CSNK2A2IP: variants seen among roughly 807,000 people sequenced by gnomAD.
CSNK2A2IP encodes casein kinase II subunit alpha'-interacting protein.
At chr3:88,442,143 GAC>G in the CSNK2A2IP span, among the ~76,000 whole-genome samples, 1 of 152,012 alleles carries the variant, frequency 6.6e-6, no homozygotes, top group East Asian at 1.9e-4. Context: ...CAATATATAA[GAC>G]ACACATGCAC....
At chr3:88,418,678 A>G in the CSNK2A2IP span, among the ~76,000 whole-genome samples, 1 of 152,138 alleles carries the variant, frequency 6.6e-6, no homozygotes, top group Admixed American at 6.6e-5. Flanking sequence ...TTTGGTTGAG[A>G]GGGTACATGT....
At chr3:88,340,440 T>C in the CSNK2A2IP span, among the ~76,000 whole-genome samples, 1 of 152,008 alleles carries the variant, frequency 6.6e-6, no homozygotes, top group Admixed American at 6.6e-5. Context: ...TTTATGCTAA[T>C]TCACTGGTAA....
chr3:88,430,355 T>G, the CSNK2A2IP span, among the ~76,000 whole-genome samples: 1 of 152,094 alleles, frequency 6.6e-6, no homozygotes, highest in Non-Finnish European at 1.5e-5. Flanking sequence ...AACAGCAGCC[T>G]TTGCTGCTGC....
the CSNK2A2IP span, among the ~76,000 whole-genome samples, chr3:88,370,938 G>A: frequency 2.6e-5 from 4 of 151,664 alleles, no homozygotes; most frequent in African/African-American, 9.7e-5. Flanking sequence ...AAAAGGCCAG[G>A]TGAGAACATA....
chr3:88,353,141 G>A, the CSNK2A2IP span, among the ~76,000 whole-genome samples: 43 of 152,094 alleles, frequency 2.8e-4, no homozygotes, highest in Admixed American at 1.6e-3. Context: ...TTACTCAGAT[G>A]ATTTAGTTTC....
the CSNK2A2IP span, among the ~76,000 whole-genome samples, chr3:88,409,787 G>C: frequency 6.6e-6 from 1 of 151,900 alleles, no homozygotes; most frequent in African/African-American, 2.4e-5. Flanking sequence ...AGTAAAGTCA[G>C]TGATATTGTC....
the CSNK2A2IP span, among the ~76,000 whole-genome samples, chr3:88,420,648 G>A: frequency 2.0e-5 from 3 of 152,126 alleles, no homozygotes; most frequent in South Asian, 6.2e-4. Context: ...TAGAAGGTGA[G>A]TAAAATGTAA....
the CSNK2A2IP span, among the ~76,000 whole-genome samples, chr3:88,454,646 G>T: frequency 6.6e-6 from 1 of 151,662 alleles, no homozygotes; most frequent in Non-Finnish European, 1.5e-5. Flanking sequence ...CTTTTTTCCA[G>T]TTTTATTGAT....
chr3:88,432,669 A>T, the CSNK2A2IP span, among the ~76,000 whole-genome samples: 3 of 151,438 alleles, frequency 2.0e-5, no homozygotes, highest in Admixed American at 2.0e-4. Flanking sequence ...TTTTTTTCTA[A>T]ATACATACAA....
At chr3:88,416,122 T>C in the CSNK2A2IP span, among the ~76,000 whole-genome samples, 400 of 151,432 alleles carry the variant, frequency 2.6e-3, no homozygotes, top group Non-Finnish European at 4.3e-3. Flanking sequence ...AATAGAAAAA[T>C]TAGCCTGGTG....
At chr3:88,339,379 C>A in the CSNK2A2IP span, among the ~76,000 whole-genome samples, 2 of 152,000 alleles carry the variant, frequency 1.3e-5, no homozygotes, top group African/African-American at 2.4e-5. Flanking sequence ...TGACTTCATT[C>A]CTTTTTATGG....
chr3:88,375,693 G>A, the CSNK2A2IP span, among the ~76,000 whole-genome samples: 2 of 151,748 alleles, frequency 1.3e-5, no homozygotes. Context: ...TATTTTAGAA[G>A]CTTACATGAA....
At chr3:88,467,046 T>C in the CSNK2A2IP span, 1 of 1,032,812 alleles carries the variant, frequency 9.7e-7, no homozygotes, top group Non-Finnish European at 1.2e-6. Flanking sequence ...TCCCCACATC[T>C]GAACGGGATA....
At chr3:88,369,719 G>C in the CSNK2A2IP span, among the ~76,000 whole-genome samples, 3 of 151,944 alleles carry the variant, frequency 2.0e-5, no homozygotes, top group Non-Finnish European at 4.4e-5. Flanking sequence ...TGCTTCTGGT[G>C]AGATACTGGA....
chr3:88,434,819 T>C, the CSNK2A2IP span, among the ~76,000 whole-genome samples: 1 of 152,166 alleles, frequency 6.6e-6, no homozygotes, highest in Non-Finnish European at 1.5e-5. Context: ...TGATCATCCA[T>C]ACTAGCTCTT....
chr3:88,398,557 T>C, the CSNK2A2IP span, among the ~76,000 whole-genome samples: 1 of 152,288 alleles, frequency 6.6e-6, no homozygotes, highest in Non-Finnish European at 1.5e-5. Flanking sequence ...TACCAAAGTA[T>C]ATGTTCCATC....
At chr3:88,457,304 G>A in the CSNK2A2IP span, among the ~76,000 whole-genome samples, 1 of 151,742 alleles carries the variant, frequency 6.6e-6, no homozygotes, top group Non-Finnish European at 1.5e-5. Flanking sequence ...TGGGGGAAGT[G>A]TATTTTACCT....
At chr3:88,344,465 A>T in the CSNK2A2IP span, among the ~76,000 whole-genome samples, 1 of 152,000 alleles carries the variant, frequency 6.6e-6, no homozygotes, top group Non-Finnish European at 1.5e-5. Context: ...AAATAATAGC[A>T]AGAGCTATTG....
chr3:88,461,635 A>G, the CSNK2A2IP span, among the ~76,000 whole-genome samples: 1 of 152,204 alleles, frequency 6.6e-6, no homozygotes, highest in African/African-American at 2.4e-5. Flanking sequence ...TAACATTTTC[A>G]CCAGCAGTTT....
Sources: gnomAD v4.1 joint callset for allele counts (sites outside exome capture counted in the v4.1 genomes callset) on GRCh38, gnomAD v4.1.1 for gene constraint, MANE v1.5 for transcripts, NCBI Gene and HGNC (gene_info 2026-07-23, HGNC 2026-07-21) for gene names.